The following EXOC4 variants were observed in gnomAD, a reference collection of about 807,000 sequenced individuals.
The protein encoded by EXOC4 is exocyst complex component 4.
Under a neutral mutation model 107.2 loss-of-function variants are expected in EXOC4, and 71 were observed. The observed-to-expected ratio is 0.66, with a 90% CI of 0.55 to 0.81. The LOEUF (loss-of-function observed/expected upper bound fraction) is 0.81, where lower values mean the gene tolerates loss of function less well. Ranked by LOEUF, EXOC4 falls within the 30% of genes least tolerant of loss-of-function variation. The pLI is 0.00. For synonymous variants in EXOC4, 456 were observed against 441.2 expected, an observed-to-expected ratio of 1.03 and a Z score of -0.42; for missense variants, 1,108 against 1,189.6, an observed-to-expected ratio of 0.93 and a Z score of 1.01.
chr7:133,370,468 CT>C (rs1488681934), intron 6 of EXOC4, among the ~76,000 whole-genome samples: 1 of 152,060 alleles, frequency 6.6e-6, no homozygotes, highest in Non-Finnish European at 1.5e-5. Context: ...TTTTGAGTTT[CT>C]GATTAGCCTT....
At chr7:133,328,583 G>T (rs1421287712) in intron 5 of EXOC4, among the ~76,000 whole-genome samples, 1 of 152,130 alleles carries the variant, frequency 6.6e-6, no homozygotes, top group African/African-American at 2.4e-5. Context: ...TTCCATTTTA[G>T]TGCTTCCTCT....
At chr7:133,819,932 G>A (rs1461886162) in intron 11 of EXOC4, among the ~76,000 whole-genome samples, 1 of 152,216 alleles carries the variant, frequency 6.6e-6, no homozygotes, top group East Asian at 1.9e-4. Flanking sequence ...CTGTCCATGT[G>A]CCTGTCAGAT....
intron 6 of EXOC4, among the ~76,000 whole-genome samples, chr7:133,367,875 T>TAC (rs1351758822): frequency 6.6e-6 from 1 of 151,922 alleles, no homozygotes; most frequent in Non-Finnish European, 1.5e-5. Flanking sequence ...GCTGTCATGA[T>TAC]TTCATTGTCA....
intron 5 of EXOC4, among the ~76,000 whole-genome samples, chr7:133,331,575 C>T (rs1280673235): frequency 2.0e-5 from 3 of 150,996 alleles, no homozygotes; most frequent in Non-Finnish European, 2.9e-5. Context: ...ATGCCATTCT[C>T]CTGCCTCAGC....
intron 14 of EXOC4, among the ~76,000 whole-genome samples, chr7:133,954,390 A>C (rs188792838): frequency 6.6e-6 from 1 of 152,340 alleles, no homozygotes; most frequent in East Asian, 1.9e-4. Flanking sequence ...TACATGTTGA[A>C]GCTGTAATCA....
intron 17 of EXOC4, among the ~76,000 whole-genome samples, chr7:134,024,691 C>T (rs1795099482): frequency 6.6e-6 from 1 of 152,174 alleles, no homozygotes; most frequent in Admixed American, 6.5e-5. Flanking sequence ...ATCATAAACA[C>T]ACAAAAGCCC....
chr7:133,751,869 G>A (rs549423796), intron 10 of EXOC4, among the ~76,000 whole-genome samples: 1 of 152,002 alleles, frequency 6.6e-6, no homozygotes, highest in African/African-American at 2.4e-5. Flanking sequence ...CATTAGCCAG[G>A]TGTTGTGACC....
intron 7 of EXOC4, among the ~76,000 whole-genome samples, chr7:133,401,519 G>A (rs1370896566): frequency 6.6e-6 from 1 of 151,918 alleles, no homozygotes; most frequent in Non-Finnish European, 1.5e-5. Flanking sequence ...AACATTAGCT[G>A]GGTGTGGTTG....
At chr7:133,559,093 T>C (rs977758157) in intron 9 of EXOC4, among the ~76,000 whole-genome samples, 2 of 152,240 alleles carry the variant, frequency 1.3e-5, no homozygotes, top group African/African-American at 4.8e-5. Context: ...TGTTTTTATC[T>C]TTCCAAATTA....
intron 9 of EXOC4, among the ~76,000 whole-genome samples, chr7:133,497,662 C>G (rs976596679): frequency 8.5e-5 from 13 of 152,152 alleles, no homozygotes; most frequent in African/African-American, 3.1e-4. Flanking sequence ...AACCCCTGAC[C>G]TCGTGTTCCG....
intron 10 of EXOC4, among the ~76,000 whole-genome samples, chr7:133,633,532 G>A (rs201531226): frequency 6.6e-6 from 1 of 151,894 alleles, no homozygotes; most frequent in African/African-American, 2.4e-5. Flanking sequence ...CAGCCTGGCC[G>A]ACATGGTGAA....
chr7:133,626,601 T>G (rs1676848867), intron 9 of EXOC4, among the ~76,000 whole-genome samples: 1 of 152,162 alleles, frequency 6.6e-6, no homozygotes, highest in Non-Finnish European at 1.5e-5. Flanking sequence ...TGCCCGAACT[T>G]TACTTTTTAT....
At chr7:133,456,310 C>G (rs1399465212) in intron 7 of EXOC4, among the ~76,000 whole-genome samples, 2 of 151,958 alleles carry the variant, frequency 1.3e-5, no homozygotes, top group Non-Finnish European at 2.9e-5. Context: ...TTTTATGTGC[C>G]CAGAAGAAAG....
intron 11 of EXOC4, among the ~76,000 whole-genome samples, chr7:133,834,674 G>T (rs1797881052): frequency 6.6e-6 from 1 of 152,228 alleles, no homozygotes; most frequent in Non-Finnish European, 1.5e-5. Flanking sequence ...TATAAGTGCA[G>T]AAAGAACTTT....
downstream of EXOC4, among the ~76,000 whole-genome samples, chr7:134,068,470 G>T (rs140322407): frequency 6.6e-6 from 1 of 152,008 alleles, no homozygotes; most frequent in Non-Finnish European, 1.5e-5. Context: ...TTCACCTTTC[G>T]CCATGATTGT....
rs142957705 is a variant in EXOC4 at position 133,608,695 on chromosome 7, C to T, written c.1418-21350C>T. On this transcript the variant is annotated intron_variant, in intron 9 of 17. Transcript: ENST00000253861. ...TCCTGAGTAGCTGGGATTACAGGCA[C>T]GTGCCACCACGCCCAGCTAATTTTT... Among the ~76,000 whole-genome samples the T allele has an allele frequency of 6.6e-3, 1,006 of 151,554 alleles. 9 individuals carry two copies. Among genetic ancestry groups the T allele is most frequent in the African/African-American group, 0.02 (818 of 41,350 alleles).
intron 10 of EXOC4, among the ~76,000 whole-genome samples, chr7:133,641,471 C>T (rs908371821): frequency 2.0e-4 from 30 of 152,144 alleles, no homozygotes; most frequent in African/African-American, 6.3e-4. Context: ...TACGTACATA[C>T]AAACACACAC....
intron 9 of EXOC4, among the ~76,000 whole-genome samples, chr7:133,616,067 A>G (rs1267613562): frequency 1.3e-5 from 2 of 152,260 alleles, no homozygotes; most frequent in East Asian, 1.9e-4. Flanking sequence ...CTGTTTACCT[A>G]TCTTATTAAT....
At chr7:134,011,585 G>A (rs186909385) in intron 17 of EXOC4, among the ~76,000 whole-genome samples, 1 of 151,792 alleles carries the variant, frequency 6.6e-6, no homozygotes, top group East Asian at 1.9e-4. Context: ...GAAGCGGTAG[G>A]GCGAAAAATT....
Sources: allele counts gnomAD v4.1 joint callset (sites outside exome capture counted in the v4.1 genomes callset), GRCh38; gene constraint gnomAD v4.1.1; transcripts MANE v1.5; gene names NCBI Gene and HGNC (gene_info 2026-07-23, HGNC 2026-07-21).